Variants in SGCZ observed in about 807,000 individuals in gnomAD.
The protein encoded by SGCZ is zeta-sarcoglycan.
Under a neutral mutation model 41.3 loss-of-function variants are expected in SGCZ, and 40 were observed. That is an observed-to-expected ratio of 0.97 (90% confidence interval 0.75 to 1.26). SGCZ has a LOEUF of 1.26. Ranked by LOEUF, SGCZ falls within the 50% of genes most tolerant of loss-of-function variation. The pLI is 0.00. For missense variants in SGCZ, 552 were observed against 369.8 expected, an observed-to-expected ratio of 1.49 and a Z score of -4.04; for synonymous variants, 206 against 137.5, an observed-to-expected ratio of 1.50 and a Z score of -3.49.
chr8:15,060,344 A>G (rs969278898), intron 1 of SGCZ, among the ~76,000 whole-genome samples: 1 of 152,010 alleles, frequency 6.6e-6, no homozygotes, highest in Non-Finnish European at 1.5e-5. Flanking sequence ...CAGCCATAAA[A>G]AAGGATGAGT....
intron 2 of SGCZ, among the ~76,000 whole-genome samples, chr8:14,337,762 C>G (rs1021492762): frequency 6.6e-6 from 1 of 151,946 alleles, no homozygotes; most frequent in South Asian, 2.1e-4. Flanking sequence ...CAAGAATCAC[C>G]AAGAAGTCCA....
intron 5 of SGCZ, among the ~76,000 whole-genome samples, chr8:14,140,346 AG>A (rs1803331071): frequency 6.6e-6 from 1 of 152,172 alleles, no homozygotes; most frequent in Non-Finnish European, 1.5e-5. Context: ...AAAGAAAGAA[AG>A]GGTATTCAAT....
chr8:14,172,303 A>G lies in SGCZ; in HGVS notation c.425-7601T>C, dbSNP rs1381121963. On this transcript the variant is annotated intron_variant, in intron 4 of 7. Transcript: ENST00000382080. The stretch of plus-strand genomic sequence containing the variant: ...GGCTTTATCTCAACACAGTCTTTCA[A>G]GATTGTGGCAACAAGAGAAAGGGAT... Among the ~76,000 whole-genome samples, 4 of 152,166 alleles carry G rather than the reference A, an allele frequency of 2.6e-5. No homozygotes were observed. The East Asian group carries it at 7.7e-4, about 29-fold the overall frequency.
At chr8:14,169,091 C>A (rs1245436538) in intron 4 of SGCZ, among the ~76,000 whole-genome samples, 1 of 152,110 alleles carries the variant, frequency 6.6e-6, no homozygotes, top group Non-Finnish European at 1.5e-5. Context: ...GTGCTAAGTT[C>A]TAAGAGCTAA....
intron 4 of SGCZ, among the ~76,000 whole-genome samples, chr8:14,192,791 A>T (rs1805145306): frequency 6.6e-6 from 1 of 152,096 alleles, no homozygotes; most frequent in Non-Finnish European, 1.5e-5. Context: ...GTTTACATTT[A>T]GAATACAATT....
At chr8:14,280,874 C>T (rs1423865518) in intron 3 of SGCZ, among the ~76,000 whole-genome samples, 1 of 150,718 alleles carries the variant, frequency 6.6e-6, no homozygotes, top group Non-Finnish European at 1.5e-5. Flanking sequence ...TTGGGAAGAA[C>T]TGAAAACAAG....
chr8:14,821,303 G>C (rs1484953261), intron 1 of SGCZ, among the ~76,000 whole-genome samples: 2 of 151,926 alleles, frequency 1.3e-5, no homozygotes, highest in African/African-American at 2.4e-5. Flanking sequence ...ACAATAATGA[G>C]AGAGGTAATT....
At chr8:14,931,415 T>C (rs560327960) in intron 1 of SGCZ, among the ~76,000 whole-genome samples, 21 of 152,078 alleles carry the variant, frequency 1.4e-4, no homozygotes, top group Non-Finnish European at 2.9e-4. Flanking sequence ...CAGAAAGATA[T>C]TTACATTGCA....
intron 2 of SGCZ, among the ~76,000 whole-genome samples, chr8:14,432,252 C>T (rs536696588): frequency 2.6e-5 from 4 of 152,158 alleles, no homozygotes; most frequent in Admixed American, 1.3e-4. Context: ...TAGCACAATT[C>T]GCAATTGCAA....
At chr8:14,099,796 C>A (rs1801956228) in intron 7 of SGCZ, among the ~76,000 whole-genome samples, 1 of 152,066 alleles carries the variant, frequency 6.6e-6, no homozygotes, top group African/African-American at 2.4e-5. Context: ...ATTACATGTG[C>A]CATTATACCA....
intron 2 of SGCZ, among the ~76,000 whole-genome samples, chr8:14,505,479 C>T (rs187123964): frequency 1.3e-5 from 2 of 152,272 alleles, no homozygotes; most frequent in East Asian, 3.9e-4. Flanking sequence ...ATTAAGGATA[C>T]TCCCTGAGAA....
At chr8:14,093,603 G>C (rs1258835373) in intron 7 of SGCZ, among the ~76,000 whole-genome samples, 1 of 152,042 alleles carries the variant, frequency 6.6e-6, no homozygotes, top group Non-Finnish European at 1.5e-5. Flanking sequence ...TATTAACTGG[G>C]TGGTTGTGAA....
chr8:14,648,656 T>C (rs1807302139), intron 1 of SGCZ, among the ~76,000 whole-genome samples: 1 of 152,126 alleles, frequency 6.6e-6, no homozygotes, highest in Non-Finnish European at 1.5e-5. Flanking sequence ...TGATAATTTA[T>C]TATTGTTTTA....
intron 1 of SGCZ, among the ~76,000 whole-genome samples, chr8:14,583,828 T>G (rs1585100085): frequency 1.5e-5 from 1 of 65,004 alleles, no homozygotes; most frequent in Non-Finnish European, 3.5e-5. Flanking sequence ...TGGCAAAACA[T>G]ATATATATAT....
At chr8:14,176,703 G>C (rs1048004584) in intron 4 of SGCZ, among the ~76,000 whole-genome samples, 2 of 152,104 alleles carry the variant, frequency 1.3e-5, no homozygotes, top group African/African-American at 4.8e-5. Context: ...GGTTCAAGTG[G>C]GTGGGGGGCC....
At chr8:15,090,310 A>G (rs1241319117) in intron 1 of SGCZ, among the ~76,000 whole-genome samples, 1 of 152,226 alleles carries the variant, frequency 6.6e-6, no homozygotes, top group Non-Finnish European at 1.5e-5. Flanking sequence ...CTTAATCTTT[A>G]AAATTAACAC....
At chr8:14,454,314 T>C (rs1200352350) in intron 2 of SGCZ, among the ~76,000 whole-genome samples, 1 of 152,146 alleles carries the variant, frequency 6.6e-6, no homozygotes, top group Non-Finnish European at 1.5e-5. Context: ...ACTTCATTAC[T>C]GTAAATGAAG....
intron 2 of SGCZ, among the ~76,000 whole-genome samples, chr8:14,427,049 T>TGAATGAATGGAGTGAATGAAG (rs1799803802): frequency 7.0e-6 from 1 of 143,212 alleles, no homozygotes; most frequent in African/African-American, 2.5e-5. Flanking sequence ...AATGAATGAA[T>TGAATGAATGGAGTGAATGAAG]GAATGAATGA....
At chr8:14,551,106 T>C (rs1473829664) in intron 2 of SGCZ, among the ~76,000 whole-genome samples, 2 of 147,794 alleles carry the variant, frequency 1.4e-5, no homozygotes, top group Non-Finnish European at 3.0e-5. Context: ...ATATTATTTA[T>C]ATTGTAATTC....
Sources: allele counts gnomAD v4.1 joint callset (sites outside exome capture counted in the v4.1 genomes callset), GRCh38; gene constraint gnomAD v4.1.1; transcripts MANE v1.5; gene names NCBI Gene and HGNC (gene_info 2026-07-23, HGNC 2026-07-21).